GPRC6A: variants seen among roughly 807,000 people sequenced by gnomAD.
The protein encoded by GPRC6A is G protein-coupled receptor class C group 6 member A, also known as G protein-coupled receptor family C group 6 member A.
In GPRC6A, 54 loss-of-function variants were observed where a neutral mutation model predicts 47.0. The observed-to-expected ratio is 1.15, with a 90% CI of 0.92 to 1.44. GPRC6A has a LOEUF of 1.44. GPRC6A is among the 40% of genes most tolerant of loss of function. GPRC6A has a pLI of 0.00. For missense variants in GPRC6A, 1,112 were observed against 1,105.5 expected (o/e 1.01, Z -0.08); for synonymous variants, 347 against 377.1 (o/e 0.92, Z 0.93).
intron 1 of GPRC6A, among the ~76,000 whole-genome samples, chr6:116,823,212 C>T (rs1346701935): frequency 1.3e-5 from 2 of 151,478 alleles, no homozygotes; most frequent in African/African-American, 2.4e-5. Flanking sequence ...TTTCCTTGCT[C>T]ACACATATGA....
At position 116,792,905 on chromosome 6, in the gene GPRC6A, C is replaced by A; in HGVS notation, c.2018G>T (p.Cys673Phe). 1 of 1,614,052 alleles carries A rather than the reference C, an allele frequency of 6.2e-7. No homozygotes were observed. The highest frequency in any genetic ancestry group is 8.5e-7 in the Non-Finnish European group (1 of 1,179,968). The change falls in exon 6 of 6, where the codon TGC becomes TTC. Residue 673 changes from cysteine to phenylalanine, a missense_variant. Physicochemically the swap from Cys to Phe is radical, Grantham distance 205. Coordinates refer to ENST00000310357, the MANE Select transcript of GPRC6A (RefSeq NM_148963.4). ...QTMFGVSFTL[C>F]ISCILTKSLK... ...AGACTTCGTCAAAATGCAGGAGATGCAAAGAGTAAAGCTCACTCCAAACAT... is the reference window on the plus strand; with the variant it reads ...AGACTTCGTCAAAATGCAGGAGATGAAAAGAGTAAAGCTCACTCCAAACAT...
intron 3 of GPRC6A, among the ~76,000 whole-genome samples, chr6:116,804,078 T>C (rs199557603): frequency 6.6e-6 from 1 of 152,088 alleles, no homozygotes; most frequent in East Asian, 1.9e-4. Context: ...GTTCAACTAT[T>C]AGGCATTCTT....
chr6:116,807,237 T>A, intron 2 of GPRC6A, 31 bp from the exon 3 acceptor site: 1 of 1,363,506 alleles, frequency 7.3e-7, no homozygotes, highest in Non-Finnish European at 1.0e-6. Context: ...TTAGTTATGG[T>A]GTTGATGAAC....
chr6:116,793,106 A>T lies in GPRC6A; in HGVS notation c.1817T>A (p.Ile606Lys). 2 of 1,614,006 alleles carry T rather than the reference A, an allele frequency of 1.2e-6. No homozygotes were observed. Among genetic ancestry groups the T allele is most frequent in the Non-Finnish European group, 8.5e-7 (1 of 1,179,884 alleles). ...LLLILSLLGI[I>K]FVLVVGIIFT... ...TATTATGCCAACAACCAGAACAAAT[A>T]TGATTCCCAGTAGGGAGAGAATCAG... Residue 606 changes from isoleucine (I) to lysine (K), a missense_variant, in exon 6 of 6, where the codon ATA becomes AAA. By Grantham distance (102) the Ile-to-Lys change is moderately radical. Transcript: ENST00000310357.
intron 1 of GPRC6A, among the ~76,000 whole-genome samples, chr6:116,828,307 A>G (rs549041736): frequency 3.3e-5 from 5 of 152,134 alleles, no homozygotes; most frequent in Non-Finnish European, 7.4e-5. Context: ...ATCCAGCAGG[A>G]AGGAGCACTT....
intron 1 of GPRC6A, among the ~76,000 whole-genome samples, chr6:116,827,256 A>G (rs1481400049): frequency 1.3e-5 from 2 of 152,008 alleles, no homozygotes; most frequent in African/African-American, 4.8e-5. Context: ...GGACACCTCA[A>G]AAAGCCTGAC....
chr6:116,814,908 C>T (rs1773156270), intron 1 of GPRC6A, among the ~76,000 whole-genome samples: 1 of 151,688 alleles, frequency 6.6e-6, no homozygotes, highest in Non-Finnish European at 1.5e-5. Context: ...AAACAAAAAC[C>T]AAAAGTGAGC....
At chr6:116,800,244 TTC>T (rs573988641) in intron 4 of GPRC6A, among the ~76,000 whole-genome samples, 5 of 121,890 alleles carry the variant, frequency 4.1e-5, no homozygotes, top group South Asian at 6.2e-4. Context: ...CTTTCCTTCT[TTC>T]TCTCTCTCTT....
intron 1 of GPRC6A, among the ~76,000 whole-genome samples, chr6:116,814,762 GA>G (rs549153301): frequency 3.0e-4 from 45 of 150,584 alleles, no homozygotes; most frequent in African/African-American, 9.5e-4. Context: ...TTTAAAAAAA[GA>G]AAAAAAAGAG....
intron 2 of GPRC6A, among the ~76,000 whole-genome samples, chr6:116,808,781 TTGACTC>T (rs1772931924): frequency 6.6e-6 from 1 of 152,176 alleles, no homozygotes. Context: ...AGAGACTTAA[TTGACTC>T]TGAGTAATGT....
Position 116,817,175 on chromosome 6 carries a change from C to T in GPRC6A, c.195-7558G>A, listed in dbSNP as rs529663698. On this transcript the variant is annotated intron_variant, in intron 1 of 5. Coordinates refer to ENST00000310357, the MANE Select transcript of GPRC6A (RefSeq NM_148963.4). ...GAAGAGAGCAGTGGTTCTCCCAGCA[C>T]GCAGCTGGAGATCTGAGAATGGGCA... 2.3e-3 allele frequency among the ~76,000 whole-genome samples: 351 copies of T among 151,986 alleles called. 2 individuals are homozygous for T. Among genetic ancestry groups the T allele is most frequent in the African/African-American group, 7.5e-3 (312 of 41,454 alleles).
At chr6:116,819,045 AG>A (rs1330212068) in intron 1 of GPRC6A, among the ~76,000 whole-genome samples, 1 of 152,170 alleles carries the variant, frequency 6.6e-6, no homozygotes, top group East Asian at 1.9e-4. Context: ...AAAAAAAGGC[AG>A]GGGTTGCAAT....
chr6:116,807,230 G>T, intron 2 of GPRC6A, 24 bp from the exon 3 acceptor site: 1 of 1,458,250 alleles, frequency 6.9e-7, no homozygotes, highest in South Asian at 1.2e-5. Context: ...GAATATTTTA[G>T]TTATGGTGTT....
chr6:116,826,483 AT>A (rs1773679466), intron 1 of GPRC6A, among the ~76,000 whole-genome samples: 1 of 152,042 alleles, frequency 6.6e-6, no homozygotes, highest in Non-Finnish European at 1.5e-5. Flanking sequence ...CCACAATGAG[AT>A]ATTATCTTAC....
chr6:116,820,782 C>T (rs1235435125), intron 1 of GPRC6A, among the ~76,000 whole-genome samples: 1 of 149,800 alleles, frequency 6.7e-6, no homozygotes, highest in African/African-American at 2.4e-5. Context: ...GGAAGCATTC[C>T]CTTTGAAAAC....
At chr6:116,795,276 G>A (rs755613823) in intron 5 of GPRC6A, among the ~76,000 whole-genome samples, 1 of 152,114 alleles carries the variant, frequency 6.6e-6, no homozygotes, top group Non-Finnish European at 1.5e-5. Context: ...GTGCCAGGAT[G>A]TGCACACCTG....
chr6:116,826,407 T>C (rs1363926856), intron 1 of GPRC6A, among the ~76,000 whole-genome samples: 1 of 151,766 alleles, frequency 6.6e-6, no homozygotes, highest in Non-Finnish European at 1.5e-5. Flanking sequence ...AAAGAAGATA[T>C]AAATAGCCAA....
chr6:116,816,141 T>C (rs922637561), intron 1 of GPRC6A, among the ~76,000 whole-genome samples: 2 of 152,256 alleles, frequency 1.3e-5, no homozygotes, highest in African/African-American at 4.8e-5. Context: ...AATACAATCA[T>C]TCCTTCTCAC....
At chr6:116,808,302 C>T (rs543759268) in intron 2 of GPRC6A, among the ~76,000 whole-genome samples, 7 of 152,224 alleles carry the variant, frequency 4.6e-5, no homozygotes, top group African/African-American at 1.4e-4. Context: ...TGTCCCCTTA[C>T]CTTTTCTGCC....
Sources: allele counts gnomAD v4.1 joint callset (sites outside exome capture counted in the v4.1 genomes callset), GRCh38; gene constraint gnomAD v4.1.1; transcripts MANE v1.5; gene names NCBI Gene and HGNC (gene_info 2026-07-23, HGNC 2026-07-21).